The following LHCGR variants were observed in gnomAD, a reference collection of about 807,000 sequenced individuals.
The protein encoded by LHCGR is luteinizing hormone/choriogonadotropin receptor, also known as lutropin-choriogonadotropic hormone receptor.
A neutral mutation model predicts 60.7 loss-of-function variants in LHCGR; 55 were observed. That is an observed-to-expected ratio of 0.91 (90% CI 0.73 to 1.13). LHCGR has a LOEUF of 1.13. LHCGR is among the 50% of genes most tolerant of loss of function. The pLI is 0.00. For missense variants in LHCGR, 862 were observed against 836.0 expected (o/e 1.03, Z -0.38); for synonymous variants, 337 against 316.5 (o/e 1.06, Z -0.69).
At position 48,688,285 on chromosome 2, in the gene LHCGR, A is replaced by T. The variant is rs1042551; in HGVS notation, c.1512T>A (p.Gly504=). The T allele has an allele frequency of 6.2e-7, 1 of 1,614,066 alleles. No homozygotes were observed. Among genetic ancestry groups the T allele is most frequent in the African/African-American group, 1.3e-5 (1 of 74,928 alleles). ...SSLIAMLPLV[G]VSNYMKVSIC... is the part of the protein sequence containing the mutation. ...TACTGACCTTCATGTAATTGCTGACACCGACAAGGGGCAACATAGCAATTA... is the reference window on the plus strand; with the variant it reads ...TACTGACCTTCATGTAATTGCTGACTCCGACAAGGGGCAACATAGCAATTA... The change falls in exon 11 of 11, where the codon GGT becomes GGA. Residue 504 remains glycine, a synonymous_variant. Coordinates refer to ENST00000294954, the MANE Select transcript of LHCGR (RefSeq NM_000233.4). This position sits in a 1 kb window ranked among gnomAD's most constrained non-coding sequence, Gnocchi z 5.2.
chr2:48,737,558 G>T (rs1669255360), intron 1 of LHCGR, among the ~76,000 whole-genome samples: 2 of 152,182 alleles, frequency 1.3e-5, no homozygotes, highest in Non-Finnish European at 2.9e-5. Context: ...CTTTTGAAAT[G>T]ATTTTAAATC....
At chr2:48,725,560 T>C in intron 4 of LHCGR, 116 bp downstream of exon 4, 1 of 765,818 alleles carries the variant, frequency 1.3e-6, no homozygotes, top group Non-Finnish European at 2.3e-6. Context: ...AAGAGGAACA[T>C]GCAAATAGTG....
chr2:48,731,378 T>G, intron 1 of LHCGR, 80 bp from the exon 2 acceptor site: 1 of 916,108 alleles, frequency 1.1e-6, no homozygotes, highest in Non-Finnish European at 1.8e-6. Flanking sequence ...AATGGGTATG[T>G]GTATGTGTGT....
In LHCGR at chr2:48,714,060, G is replaced by A; in HGVS notation, c.537-6C>T. On this transcript the variant is annotated splice_region_variant and splice_polypyrimidine_tract_variant and intron_variant, in intron 6 of 10. Coordinates refer to ENST00000294954, the MANE Select transcript of LHCGR (RefSeq NM_000233.4). ...ATCCATTTCCATATAGTTTGCTGAA[G>A]GAGGGAGGAGAGGGTTTAGGAATGG... 1 of 1,609,018 alleles carries A rather than the reference G, an allele frequency of 6.2e-7. No homozygotes were observed. The highest frequency in any genetic ancestry group is 8.5e-7 in the Non-Finnish European group (1 of 1,175,460).
chr2:48,692,325 T>A (rs1297350698), intron 10 of LHCGR, among the ~76,000 whole-genome samples: 3 of 152,240 alleles, frequency 2.0e-5, no homozygotes, highest in Non-Finnish European at 4.4e-5. Context: ...CTGCCATGAT[T>A]TCTGGTTAAA....
At chr2:48,691,389 A>G (rs1345709582) in intron 10 of LHCGR, among the ~76,000 whole-genome samples, 2 of 152,228 alleles carry the variant, frequency 1.3e-5, no homozygotes, top group Non-Finnish European at 2.9e-5. Context: ...AGAAGACCGC[A>G]TAGGAACCTC....
At position 48,711,742 on chromosome 2, in the gene LHCGR, C is replaced by T. The variant is rs963546095; in HGVS notation, c.605+2244G>A. 9.2e-5 allele frequency among the ~76,000 whole-genome samples: 14 copies of T among 152,228 alleles called. No homozygotes were observed. In the East Asian group the frequency reaches 2.5e-3, roughly 27 times the overall value. On this transcript the variant is annotated intron_variant, in intron 7 of 10. Transcript: ENST00000294954. The stretch of plus-strand genomic sequence containing the variant: ...TTTAATATTCAGTTCTTTTATTTTT[C>T]CCCCTGTTCAGGTGACCTCAGCCAC...
chr2:48,740,694 A>G (rs1355932689), intron 1 of LHCGR, among the ~76,000 whole-genome samples: 2 of 152,014 alleles, frequency 1.3e-5, no homozygotes, highest in African/African-American at 4.8e-5. Context: ...CCATCTGTAC[A>G]TCACCATCAT....
intron 7 of LHCGR, among the ~76,000 whole-genome samples, chr2:48,709,984 A>G (rs1667900089): frequency 6.6e-6 from 1 of 152,190 alleles, no homozygotes; most frequent in Admixed American, 6.5e-5. Context: ...GTGTGCATCT[A>G]CCGTTGATGT....
intron 8 of LHCGR, among the ~76,000 whole-genome samples, chr2:48,700,296 C>T (rs1410860886): frequency 6.6e-6 from 1 of 152,124 alleles, no homozygotes; most frequent in Non-Finnish European, 1.5e-5. Flanking sequence ...AGGCAGTGAA[C>T]CTCTGATAGT....
At chr2:48,726,336 G>A (rs1668725875) in intron 3 of LHCGR, among the ~76,000 whole-genome samples, 2 of 152,188 alleles carry the variant, frequency 1.3e-5, no homozygotes, top group Non-Finnish European at 2.9e-5. Flanking sequence ...CCCTGAGCTA[G>A]TGTCTCTTCT....
chr2:48,721,620 C>G, intron 6 of LHCGR: 1 of 459,926 alleles, frequency 2.2e-6, no homozygotes, highest in Non-Finnish European at 4.5e-6. Flanking sequence ...ACCAAGGATA[C>G]CAATTTTTAG....
At chr2:48,710,024 C>G (rs1328696931) in intron 7 of LHCGR, among the ~76,000 whole-genome samples, 1 of 152,172 alleles carries the variant, frequency 6.6e-6, no homozygotes, top group South Asian at 2.1e-4. Flanking sequence ...ACATGATTCT[C>G]TTACCACATT....
intron 6 of LHCGR, among the ~76,000 whole-genome samples, chr2:48,717,080 A>G (rs966552041): frequency 6.6e-6 from 1 of 152,138 alleles, no homozygotes; most frequent in African/African-American, 2.4e-5. Context: ...TTGGCTTGGA[A>G]TTGTGTCCAG....
Position 48,688,085 on chromosome 2 carries a change from AT to A in LHCGR, c.1711del (p.Met571TrpfsTer31). ...TNKDTKIAKK[M>X]AILIFTDFTC... ...GAAATCGGTGAAGATGAGGATTGCC[AT>A]TTTCTTAGCAATCTTTGTATCTTTA... On this transcript the variant is annotated frameshift_variant, in exon 11 of 11. Transcript: ENST00000294954. LOFTEE classifies it high-confidence loss of function. The surrounding 1 kb of genome is among the most constrained non-coding windows in gnomAD (Gnocchi z 5.2). 1 of 1,614,134 alleles carries A rather than the reference AT, an allele frequency of 6.2e-7. No individual in the cohort carries two copies. Among genetic ancestry groups the A allele is most frequent in the Non-Finnish European group, 8.5e-7 (1 of 1,180,018 alleles).
At chr2:48,697,368 G>A (rs1408539733) in intron 9 of LHCGR, among the ~76,000 whole-genome samples, 4 of 152,172 alleles carry the variant, frequency 2.6e-5, no homozygotes, top group Non-Finnish European at 4.4e-5. Flanking sequence ...AACATTTGCC[G>A]TGTTGGACTT....
chr2:48,729,706 C>T (rs1668902559), intron 2 of LHCGR, among the ~76,000 whole-genome samples: 1 of 152,178 alleles, frequency 6.6e-6, no homozygotes. Context: ...TAACTCTTAA[C>T]CCTTAGTTTC....
intron 1 of LHCGR, among the ~76,000 whole-genome samples, chr2:48,742,315 T>C (rs1046240418): frequency 9.2e-5 from 14 of 152,080 alleles, no homozygotes; most frequent in Non-Finnish European, 1.8e-4. Context: ...TGCCCAGGAA[T>C]TGAACTCAGC....
At chr2:48,743,336 C>T (rs1669557677) in intron 1 of LHCGR, among the ~76,000 whole-genome samples, 1 of 152,144 alleles carries the variant, frequency 6.6e-6, no homozygotes, top group African/African-American at 2.4e-5. Flanking sequence ...CTCCCTAACT[C>T]ATTTTATGAG....
Sources: gnomAD v4.1 joint callset for allele counts (sites outside exome capture counted in the v4.1 genomes callset) on GRCh38, gnomAD v4.1.1 for gene constraint, Gnocchi (gnomAD v3.1) non-coding constraint, MANE v1.5 for transcripts, NCBI Gene and HGNC (gene_info 2026-07-23, HGNC 2026-07-21) for gene names.